Variants in SNRK observed in about 807,000 individuals in gnomAD.
SNRK encodes the protein SNF related kinase.
Under a neutral mutation model 48.2 loss-of-function variants are expected in SNRK, and 3 were observed. That is an observed-to-expected ratio of 0.06 (90% CI 0.03 to 0.16). The LOEUF (loss-of-function observed/expected upper bound fraction) is 0.16. SNRK is among the 10% of genes least tolerant of loss of function. The pLI is 1.00. For missense variants in SNRK, 627 were observed against 976.0 expected, an observed-to-expected ratio of 0.64 and a Z score of 4.76; for synonymous variants, 376 against 366.1, an observed-to-expected ratio of 1.03 and a Z score of -0.31.
intron 2 of SNRK, among the ~76,000 whole-genome samples, chr3:43,300,179 G>A (rs1202510092): frequency 6.6e-6 from 1 of 152,144 alleles, no homozygotes; most frequent in Non-Finnish European, 1.5e-5. Context: ...TACTCATTGT[G>A]AAGATACCAA....
At position 43,303,137 on chromosome 3, in the gene SNRK, C is replaced by T; in HGVS notation, c.-67C>T. ...ATTGAAAATGAATTTTTTGTATTCA[C>T]CAGATATTCTTATATGAGAAGATCT... On this transcript the variant is annotated 5_prime_UTR_variant, in exon 3 of 7. Coordinates refer to ENST00000296088, the MANE Select transcript of SNRK (RefSeq NM_017719.5). The surrounding 1 kb of genome is among the most constrained non-coding windows in gnomAD (Gnocchi z 6.2). 8.7e-7 allele frequency: 1 copy of T among 1,143,470 alleles called. No individual in the cohort carries two copies. The highest frequency in any genetic ancestry group is 1.6e-5 in the African/African-American group (1 of 64,378). The allele number at this position is 1,143,470 out of a possible 1,614,324, so 70.8% of individuals were successfully genotyped here. A position where few individuals can be genotyped will look rare whatever the true frequency, so the allele number is the denominator to read the frequency against.
chr3:43,321,777 C>T (rs1270180487), intron 3 of SNRK, among the ~76,000 whole-genome samples: 2 of 152,140 alleles, frequency 1.3e-5, no homozygotes, highest in Non-Finnish European at 2.9e-5. Context: ...GGAGGTAAGG[C>T]GAGGCGCCTA....
At chr3:43,322,842 C>G (rs1003836418) in intron 3 of SNRK, among the ~76,000 whole-genome samples, 7 of 150,026 alleles carry the variant, frequency 4.7e-5, no homozygotes, top group African/African-American at 1.7e-4. Flanking sequence ...GTCCCAGCTA[C>G]TCAGGAGGCT....
In SNRK at chr3:43,348,704, A is replaced by G. The variant is rs1164851964; in HGVS notation, c.*147A>G. ...TTCCATTTGTTCGCCTGATGATGTG[A>G]CAATGCATGGTCTTTGTGCATGCTG... On this transcript the variant is annotated 3_prime_UTR_variant, in exon 7 of 7. Transcript: ENST00000296088. The G allele has an allele frequency of 4.9e-6, 4 of 822,192 alleles. No individual in the cohort carries two copies. The highest frequency in any genetic ancestry group is 6.9e-6 in the Non-Finnish European group (4 of 580,148). 50.9% of individuals were successfully genotyped at this position (822,192 alleles called of 1,614,324 possible). A position where few individuals can be genotyped will look rare whatever the true frequency, so the allele number is the denominator to read the frequency against.
At chr3:43,299,423 G>A (rs2090881940) in intron 1 of SNRK, among the ~76,000 whole-genome samples, 1 of 152,144 alleles carries the variant, frequency 6.6e-6, no homozygotes, top group Non-Finnish European at 1.5e-5. Flanking sequence ...TGATCCACCT[G>A]TCTCGGCCTC....
At chr3:43,317,082 A>G (rs544439993) in intron 3 of SNRK, among the ~76,000 whole-genome samples, 1 of 152,222 alleles carries the variant, frequency 6.6e-6, no homozygotes, top group Non-Finnish European at 1.5e-5. Flanking sequence ...GTAAAATGAC[A>G]AAAGTGCACA....
intron 1 of SNRK, among the ~76,000 whole-genome samples, chr3:43,292,075 A>T (rs970015593): frequency 5.9e-5 from 9 of 152,364 alleles, no homozygotes; most frequent in East Asian, 3.9e-4. Context: ...ATTCAAACAA[A>T]ACTGGAATTC....
chr3:43,302,567 A>T (rs184786822), intron 2 of SNRK, among the ~76,000 whole-genome samples: 1 of 152,090 alleles, frequency 6.6e-6, no homozygotes, highest in Admixed American at 6.6e-5. Context: ...AGGTGTCCCA[A>T]GGTGCTCTGG....
At chr3:43,346,126 A>G (rs1418813177) in intron 6 of SNRK, among the ~76,000 whole-genome samples, 1 of 152,234 alleles carries the variant, frequency 6.6e-6, no homozygotes, top group African/African-American at 2.4e-5. Context: ...ATGGAAAACC[A>G]AGAAGTTAAC....
At chr3:43,310,822 T>G (rs940007267) in intron 3 of SNRK, among the ~76,000 whole-genome samples, 1 of 152,202 alleles carries the variant, frequency 6.6e-6, no homozygotes, top group African/African-American at 2.4e-5. Context: ...CATATTTTGT[T>G]TTTTTTATTT....
chr3:43,318,036 C>T (rs901507655), intron 3 of SNRK, among the ~76,000 whole-genome samples: 10 of 152,174 alleles, frequency 6.6e-5, no homozygotes, highest in African/African-American at 9.7e-5. Flanking sequence ...CTTTATGTTT[C>T]TATGGTGTTG....
At position 43,348,022 on chromosome 3, in the gene SNRK, A is replaced by G. The variant is rs372506333; in HGVS notation, c.1763A>G (p.Asn588Ser). The part of the protein sequence containing the change: ...GDGGGQSKPS[N>S]ASGGVDKASP... Reference sequence around the variant, plus strand: ...GGCGGGGGCCAGAGCAAGCCAAGCAATGCCAGTGGAGGGGTGGACAAGGCC... The same window carrying G: ...GGCGGGGGCCAGAGCAAGCCAAGCAGTGCCAGTGGAGGGGTGGACAAGGCC... Residue 588 changes from asparagine (N) to serine (S), a missense_variant, in exon 7 of 7, where the codon AAT becomes AGT. Physicochemically the swap from Asn to Ser is conservative, Grantham distance 46. Around this residue, in one of 4 missense-constraint regions of SNRK, gnomAD observed 207 missense variants for 234.3 expected, o/e 0.88. Transcript: ENST00000296088. 3.8e-5 allele frequency: 61 copies of G among 1,611,566 alleles called. No homozygotes were observed. The highest frequency in any genetic ancestry group is 4.9e-5 in the Non-Finnish European group (58 of 1,178,690).
chr3:43,316,348 T>A (rs1212704871), intron 3 of SNRK, among the ~76,000 whole-genome samples: 1 of 150,392 alleles, frequency 6.6e-6, no homozygotes, highest in African/African-American at 2.5e-5. Flanking sequence ...TGGGGGAGAT[T>A]TTTAAAAAAT....
chr3:43,297,415 A>G (rs920139720), intron 1 of SNRK, among the ~76,000 whole-genome samples: 1 of 152,168 alleles, frequency 6.6e-6, no homozygotes, highest in South Asian at 2.1e-4. Context: ...AATAGTTACA[A>G]ATCTCTTTTT....
chr3:43,325,200 C>T (rs900222477), intron 3 of SNRK, among the ~76,000 whole-genome samples: 2 of 152,220 alleles, frequency 1.3e-5, no homozygotes, highest in Non-Finnish European at 1.5e-5. Context: ...GAGTCTCGCG[C>T]TTTCACCCAG....
intron 1 of SNRK, among the ~76,000 whole-genome samples, chr3:43,290,685 G>C (rs1163955113): frequency 6.6e-6 from 1 of 152,144 alleles, no homozygotes; most frequent in Non-Finnish European, 1.5e-5. Flanking sequence ...TCACTTTGCT[G>C]CCAGAGTAAT....
intron 1 of SNRK, among the ~76,000 whole-genome samples, chr3:43,288,230 C>T (rs769654970): frequency 3.3e-5 from 5 of 152,128 alleles, no homozygotes; most frequent in Non-Finnish European, 7.4e-5. Context: ...TTCAGTGCCA[C>T]CTTTCAATTT....
At chr3:43,345,017 G>A (rs2091264944) in intron 6 of SNRK, among the ~76,000 whole-genome samples, 1 of 152,186 alleles carries the variant, frequency 6.6e-6, no homozygotes, top group Admixed American at 6.5e-5. Flanking sequence ...TCAACCCTTT[G>A]GGAGGCCAAG....
intron 3 of SNRK, among the ~76,000 whole-genome samples, chr3:43,321,049 G>A (rs2091049799): frequency 6.6e-6 from 1 of 151,238 alleles, no homozygotes. Context: ...TTTGTACTCA[G>A]TTATCAGTTT....
Sources: allele counts gnomAD v4.1 joint callset (sites outside exome capture counted in the v4.1 genomes callset), GRCh38; gene constraint gnomAD v4.1.1; regional missense constraint gnomAD v4.1.1; non-coding constraint Gnocchi (gnomAD v3.1); transcripts MANE v1.5; gene names NCBI Gene and HGNC (gene_info 2026-07-23, HGNC 2026-07-21).